Variants in TNNI3 observed in about 807,000 individuals in gnomAD.
The protein encoded by TNNI3 is troponin I3, cardiac type.
TNNI3 carries 23 observed loss-of-function variants against 31.5 expected under a neutral mutation model. The observed-to-expected ratio is 0.73, with a 90% CI of 0.52 to 1.03. The LOEUF is 1.03. TNNI3 is among the 50% of genes least tolerant of loss of function. The pLI is 0.00. For synonymous variants in TNNI3, 120 were observed against 111.7 expected (o/e 1.07, Z -0.47); for missense variants, 236 against 282.9 (o/e 0.83, Z 1.19).
In TNNI3 at chr19:55,153,088, A is replaced by G. The variant is rs148081574; in HGVS notation, c.549+942T>C. Among the ~76,000 whole-genome samples, 405 of 151,974 alleles carry G rather than the reference A, an allele frequency of 2.7e-3. 3 individuals are homozygous for G. Among genetic ancestry groups the G allele is most frequent in the African/African-American group, 9.3e-3 (384 of 41,418 alleles). ...GCTGGGATTACAGGCACGAGCCACCACACCCGGTAACTTTGGTATTTTTTA... is the reference window on the plus strand; with the variant it reads ...GCTGGGATTACAGGCACGAGCCACCGCACCCGGTAACTTTGGTATTTTTTA... On this transcript the variant is annotated intron_variant, in intron 7 of 7. Coordinates refer to ENST00000344887, the MANE Select transcript of TNNI3 (RefSeq NM_000363.5).
intron 6 of TNNI3, 84 bp from the exon 7 acceptor site, chr19:55,154,290 C>T (rs2085713761): frequency 1.4e-5 from 20 of 1,424,250 alleles, no homozygotes; most frequent in Non-Finnish European, 1.9e-5. Flanking sequence ...TTTTTATTCT[C>T]CTTATCTCGT....
In TNNI3 at chr19:55,152,517, T is replaced by C. The variant is rs1270038166; in HGVS notation, c.550-600A>G. Among the ~76,000 whole-genome samples, 1 of 152,258 alleles carries C rather than the reference T, an allele frequency of 6.6e-6. No homozygotes were observed. Among genetic ancestry groups the C allele is most frequent in the Non-Finnish European group, 1.5e-5 (1 of 68,044 alleles). On this transcript the variant is annotated intron_variant, in intron 7 of 7. Transcript: ENST00000344887. The surrounding 1 kb of genome is among the most constrained non-coding windows in gnomAD (Gnocchi z 4.0). ...TCACCTCATCTCAGCACATAGGCAC[T>C]GTCATTTTACATCACAAGGAAAAGA...
chr19:55,157,291 C>G lies in TNNI3; in HGVS notation c.24+5G>C, dbSNP rs2085740818. ...CCCAGCCACGCCTTAGCCCGCTGCT[C>G]TCACCGCATCGCTGCTCCTGGAAGG... On this transcript the variant is annotated splice_donor_5th_base_variant and intron_variant, in intron 2 of 7. Transcript: ENST00000344887. The surrounding 1 kb of genome is among the most constrained non-coding windows in gnomAD (Gnocchi z 6.3). 1.9e-6 allele frequency: 3 copies of G among 1,612,902 alleles called. No homozygotes were observed. Among genetic ancestry groups the G allele is most frequent in the African/African-American group, 1.3e-5 (1 of 74,986 alleles).
Position 55,156,588 on chromosome 19 carries a change from C to A in TNNI3, c.150+15G>T. ...GAGCACCTGCCTGCTCTTTCCCAGT[C>A]CCGCCCGTCCTCACCTTCAGCTGCA... On this transcript the variant is annotated intron_variant, in intron 4 of 7. Transcript: ENST00000344887. The surrounding 1 kb of genome is among the most constrained non-coding windows in gnomAD (Gnocchi z 4.6). 1.3e-6 allele frequency: 2 copies of A among 1,559,486 alleles called. No individual in the cohort carries two copies. The highest frequency in any genetic ancestry group is 8.7e-7 in the Non-Finnish European group (1 of 1,150,452).
rs1555864068 is a variant in TNNI3 at position 55,156,323 on chromosome 19, G to A, written c.160C>T (p.Leu54=). 1.2e-6 allele frequency: 2 copies of A among 1,609,188 alleles called. No individual in the cohort carries two copies. Among genetic ancestry groups the A allele is most frequent in the East Asian group, 2.2e-5 (1 of 44,798 alleles). Residue 54 remains leucine, a synonymous_variant, in exon 5 of 8, where the codon CTG becomes TTG. Transcript: ENST00000344887. This position sits in a 1 kb window ranked among gnomAD's most constrained non-coding sequence, Gnocchi z 4.6. ...SRKLQLKTLL[L]QIAKQELERE... ...TCCAGCTCTTGCTTTGCAATCTGCA[G>A]CAGCAGAGTCTGCAGAGGGGTGGGA...
chr19:55,151,925 A>G lies in TNNI3; in HGVS notation c.550-8T>C. 1 of 1,613,548 alleles carries G rather than the reference A, an allele frequency of 6.2e-7. No individual in the cohort carries two copies. The highest frequency in any genetic ancestry group is 8.5e-7 in the Non-Finnish European group (1 of 1,179,610). On this transcript the variant is annotated splice_polypyrimidine_tract_variant and splice_region_variant and intron_variant, in intron 7 of 7. Coordinates refer to ENST00000344887, the MANE Select transcript of TNNI3 (RefSeq NM_000363.5). ...TCCCACCTCCCGGTTTTCCTGGAGG[A>G]TGGCGATGAGTCAGAGGTTAGGGTC...
In TNNI3 at chr19:55,157,607, G is replaced by T. The variant is rs752407016; in HGVS notation, c.-18C>A. 5.0e-6 allele frequency: 8 copies of T among 1,613,858 alleles called. No homozygotes were observed. In the African/African-American group the frequency reaches 8.0e-5, roughly 16 times the overall value. On this transcript the variant is annotated 5_prime_UTR_variant, in exon 1 of 8. Transcript: ENST00000344887. The surrounding 1 kb of genome is among the most constrained non-coding windows in gnomAD (Gnocchi z 6.3). ...TCCGCCATGCTGAGACTCAGGCCGG[G>T]AATGGCAGGAGGCAGGGCGAGGACA...
Position 55,152,354 on chromosome 19 carries a change from G to A in TNNI3, c.550-437C>T, listed in dbSNP as rs2085700270. ...CTCCTTTTCTGCAATTTTACTTTGT[G>A]TGGTTTCAGTTACCTGAGGTAAACC... On this transcript the variant is annotated intron_variant, in intron 7 of 7. Transcript: ENST00000344887. The surrounding 1 kb of genome is among the most constrained non-coding windows in gnomAD (Gnocchi z 4.0). Among the ~76,000 whole-genome samples the A allele has an allele frequency of 2.6e-5, 4 of 152,014 alleles. No individual in the cohort carries two copies. The highest frequency in any genetic ancestry group is 6.6e-5 in the Admixed American group (1 of 15,262).
chr19:55,155,545 T>C (rs534595057), intron 5 of TNNI3, among the ~76,000 whole-genome samples: 40 of 33,928 alleles, frequency 1.2e-3, no homozygotes, highest in African/African-American at 1.0e-3. Flanking sequence ...GGCCTGGACT[T>C]CAGGGTCTGA....
intron 6 of TNNI3, 105 bp from the exon 7 acceptor site, chr19:55,154,311 C>G: frequency 2.4e-6 from 3 of 1,246,794 alleles, no homozygotes; most frequent in Non-Finnish European, 3.4e-6. Context: ...CTTCCAGTAC[C>G]GAGGCCTTAC....
At position 55,151,870 on chromosome 19, in the gene TNNI3, A is replaced by G. The variant is rs1426399289; in HGVS notation, c.597T>C (p.Ser199=). 8 of 1,613,786 alleles carry G rather than the reference A, an allele frequency of 5.0e-6. No homozygotes were observed. Among genetic ancestry groups the G allele is most frequent in the Non-Finnish European group, 6.8e-6 (8 of 1,179,968 alleles). ...ACTTTTTCTTGCGGCCCTCCATTCC[A>G]CTCAGTGCATCGATGTTCTTGCGCC... ...GDWRKNIDAL[S]GMEGRKKKFE... The change falls in exon 8 of 8, where the codon AGT becomes AGC. Residue 199 remains serine, a synonymous_variant. Transcript: ENST00000344887.
chr19:55,157,236 C>G lies in TNNI3; in HGVS notation c.24+60G>C. ...CTGCAGCCTCCCGCCCCAGACCCCT[C>G]ACTGCAGCGCCCACCCTGGCCCTGG... On this transcript the variant is annotated intron_variant, in intron 2 of 7. Coordinates refer to ENST00000344887, the MANE Select transcript of TNNI3 (RefSeq NM_000363.5). This position sits in a 1 kb window ranked among gnomAD's most constrained non-coding sequence, Gnocchi z 6.3. 6.2e-7 allele frequency: 1 copy of G among 1,606,652 alleles called. No homozygotes were observed. Among genetic ancestry groups the G allele is most frequent in the Non-Finnish European group, 8.5e-7 (1 of 1,177,244 alleles).
At chr19:55,154,509 A>G in intron 6 of TNNI3, 1 of 628,778 alleles carries the variant, frequency 1.6e-6, no homozygotes, top group East Asian at 2.8e-5. Context: ...CATGTTCACT[A>G]ACTTATTTTC....
In TNNI3 at chr19:55,156,829, T is replaced by G. The variant is rs2278281; in HGVS notation, c.109-185A>C. 55,747 of 844,366 alleles carry G rather than the reference T, an allele frequency of 0.066. 5,037 individuals carry two copies. Among genetic ancestry groups the G allele is most frequent in the Admixed American group, 0.3 (14,620 of 48,414 alleles). The allele number at this position is 844,366 out of a possible 1,614,324, so 52.3% of individuals were successfully genotyped here. A position where few individuals can be genotyped will look rare whatever the true frequency, so the allele number is the denominator to read the frequency against. On this transcript the variant is annotated intron_variant, in intron 3 of 7. Coordinates refer to ENST00000344887, the MANE Select transcript of TNNI3 (RefSeq NM_000363.5). The surrounding 1 kb of genome is among the most constrained non-coding windows in gnomAD (Gnocchi z 4.6). ...ATCCACCAATCTGGGTCTCTTCCTT[T>G]GGATAGGCACTTCCCATCTATCCCT...
Position 55,156,690 on chromosome 19 carries a change from G to A in TNNI3, c.109-46C>T, listed in dbSNP as rs374182029. ...AAGGAAGGATCATGGAGGGGGATTC[G>A]GAGACGACGGTGGAGGGGACCTCAA... On this transcript the variant is annotated intron_variant, in intron 3 of 7. Transcript: ENST00000344887. This position sits in a 1 kb window ranked among gnomAD's most constrained non-coding sequence, Gnocchi z 4.6. The A allele has an allele frequency of 8.4e-5, 130 of 1,550,674 alleles. No individual in the cohort carries two copies. The African/African-American group carries it at 1.1e-3, about 13-fold the overall frequency.
Position 55,156,052 on chromosome 19 carries a change from AAGGGT to A in TNNI3, c.282+144_282+148del, listed in dbSNP as rs1273677498. On this transcript the variant is annotated intron_variant, in intron 5 of 7. Coordinates refer to ENST00000344887, the MANE Select transcript of TNNI3 (RefSeq NM_000363.5). This position sits in a 1 kb window ranked among gnomAD's most constrained non-coding sequence, Gnocchi z 4.6. ...CCAAGACTCCACAGACCTGCACACA[AAGGGT>A]GTTAGGGGCCAGGAGTCCCACGAAC... 24 of 1,202,676 alleles carry A rather than the reference AAGGGT, an allele frequency of 2.0e-5. No individual in the cohort carries two copies. Among genetic ancestry groups the A allele is most frequent in the Non-Finnish European group, 2.8e-5 (23 of 828,328 alleles). 74.5% of individuals were successfully genotyped at this position (1,202,676 alleles called of 1,614,324 possible).
rs748138921 is a variant in TNNI3 at position 55,156,382 on chromosome 19, A to ACCT, written c.151-51_151-50insAGG. The ACCT allele has an allele frequency of 3.2e-6, 5 of 1,585,470 alleles. No homozygotes were observed. The highest frequency in any genetic ancestry group is 4.3e-6 in the Non-Finnish European group (5 of 1,165,960). ...CAGCCCACCCGGGGCTTCAGGATAA[A>ACCT]GACCAGGCGTGGGGAACCGCCTCTG... On this transcript the variant is annotated intron_variant, in intron 4 of 7. Transcript: ENST00000344887. The surrounding 1 kb of genome is among the most constrained non-coding windows in gnomAD (Gnocchi z 4.6).
At position 55,156,410 on chromosome 19, in the gene TNNI3, C is replaced by T. The variant is rs776109208; in HGVS notation, c.151-78G>A. On this transcript the variant is annotated intron_variant, in intron 4 of 7. Transcript: ENST00000344887. This position sits in a 1 kb window ranked among gnomAD's most constrained non-coding sequence, Gnocchi z 4.6. ...CCAGGCGTGGGGAACCGCCTCTGCC[C>T]TTCTAAACCCTCCAGTTTGGTCTCC... 6.5e-7 allele frequency: 1 copy of T among 1,543,072 alleles called. No individual in the cohort carries two copies. Among genetic ancestry groups the T allele is most frequent in the Admixed American group, 1.9e-5 (1 of 52,238 alleles).
rs1421410759 is a variant in TNNI3 at position 55,157,012 on chromosome 19, C to A, written c.108+38G>T. 2 of 1,552,602 alleles carry A rather than the reference C, an allele frequency of 1.3e-6. No homozygotes were observed. Among genetic ancestry groups the A allele is most frequent in the African/African-American group, 1.3e-5 (1 of 74,286 alleles). The stretch of plus-strand genomic sequence containing the variant: ...CCACTCCCAGGGTCTTGGATCCCTC[C>A]GGCGCCTGTACTCTGCCCCCAGGAA... On this transcript the variant is annotated intron_variant, in intron 3 of 7. Transcript: ENST00000344887. The surrounding 1 kb of genome is among the most constrained non-coding windows in gnomAD (Gnocchi z 6.3).
Sources: gnomAD v4.1 joint callset for allele counts (sites outside exome capture counted in the v4.1 genomes callset) on GRCh38, gnomAD v4.1.1 for gene constraint, Gnocchi (gnomAD v3.1) non-coding constraint, MANE v1.5 for transcripts, NCBI Gene and HGNC (gene_info 2026-07-23, HGNC 2026-07-21) for gene names.